Variants in NLRC4 observed in about 807,000 individuals in gnomAD.
NLRC4 encodes NLR family CARD domain-containing protein 4.
In NLRC4, 63 loss-of-function variants were observed where a neutral mutation model predicts 79.9. The observed-to-expected ratio is 0.79, with a 90% CI of 0.64 to 0.97. NLRC4 has a LOEUF of 0.97. Ranked by LOEUF, NLRC4 falls within the 50% of genes least tolerant of loss-of-function variation. NLRC4 has a pLI of 0.00. For synonymous variants in NLRC4, 461 were observed against 456.5 expected (o/e 1.01, Z -0.12); for missense variants, 1,074 against 1,215.2 (o/e 0.88, Z 1.73).
chr2:32,258,940 G>T (rs1294413762), intron 1 of NLRC4, among the ~76,000 whole-genome samples: 1 of 152,138 alleles, frequency 6.6e-6, no homozygotes, highest in Non-Finnish European at 1.5e-5. Context: ...ATTAAAGACA[G>T]CATGAGAGGG....
At position 32,238,197 on chromosome 2, in the gene NLRC4, G is replaced by A; in HGVS notation, c.2456C>T (p.Pro819Leu). 6.2e-7 allele frequency: 1 copy of A among 1,613,400 alleles called. No individual in the cohort carries two copies. The highest frequency in any genetic ancestry group is 8.5e-7 in the Non-Finnish European group (1 of 1,179,464). The change falls in exon 6 of 9, where the codon CCC becomes CTC. Residue 819 changes from proline (P) to leucine (L), a missense_variant. Physicochemically the swap from Pro to Leu is moderately conservative, Grantham distance 98. Transcript: ENST00000402280. ...DYIVKSLSSE[P>L]CDLEEIQLVS... ...TAATTGAATTTCTTCAAGGTCACAG[G>A]GTTCACTTGACAGAGACTTGACTAT...
intron 2 of NLRC4, among the ~76,000 whole-genome samples, chr2:32,253,018 A>G (rs1357025925): frequency 1.3e-5 from 2 of 149,642 alleles, no homozygotes; most frequent in African/African-American, 4.9e-5. Flanking sequence ...ACTCCGTCTA[A>G]AAAAAAAAAA....
chr2:32,234,031 G>A (rs186176868), intron 8 of NLRC4, among the ~76,000 whole-genome samples: 1 of 152,290 alleles, frequency 6.6e-6, no homozygotes, highest in Admixed American at 6.5e-5. Flanking sequence ...TGGATGTTGT[G>A]ATAGTGGCAC....
At chr2:32,235,761 T>C (rs1462013204) in intron 7 of NLRC4, among the ~76,000 whole-genome samples, 193 bp from the exon 8 acceptor site, 1 of 152,164 alleles carries the variant, frequency 6.6e-6, no homozygotes, top group Non-Finnish European at 1.5e-5. Flanking sequence ...CAGAAGAATA[T>C]AATGAAACTA....
chr2:32,247,780 CTTCCT>C (rs1468077005), intron 4 of NLRC4, among the ~76,000 whole-genome samples: 1 of 152,088 alleles, frequency 6.6e-6, no homozygotes, highest in African/African-American at 2.4e-5. Context: ...GCCCTTCTAC[CTTCCT>C]TTCAAGTCCT....
At chr2:32,261,848 T>G (rs1265340) in intron 1 of NLRC4, among the ~76,000 whole-genome samples, 1 of 151,344 alleles carries the variant, frequency 6.6e-6, no homozygotes, top group African/African-American at 2.4e-5. Flanking sequence ...TTTGGGAGGC[T>G]GAGGCAGGTG....
rs1573460670 is a variant in NLRC4, at chr2:32,224,495, G to C, written c.3053C>G (p.Ala1018Gly). The C allele has an allele frequency of 6.2e-7, 1 of 1,605,100 alleles. No individual in the cohort carries two copies. Among genetic ancestry groups the C allele is most frequent in the Non-Finnish European group, 8.5e-7 (1 of 1,175,930 alleles). ...TATTTAAGCAGTTACTAGTTTAAAA[G>C]CACCTGTAATAACACTGAGATCATC... The part of the protein sequence containing the change: ...DDDDLSVITG[A>G]FKLVTA The change falls in exon 9 of 9, where the codon GCT becomes GGT. Residue 1018 changes from alanine (A) to glycine (G), a missense_variant. By Grantham distance (60) the Ala-to-Gly change is moderately conservative (BLOSUM62 0). Transcript: ENST00000402280.
rs1386496419 is a variant in NLRC4, at chr2:32,250,290, T to C, written c.1574A>G (p.Lys525Arg). 5.6e-6 allele frequency: 9 copies of C among 1,614,096 alleles called. No individual in the cohort carries two copies. Among genetic ancestry groups the C allele is most frequent in the Non-Finnish European group, 7.6e-6 (9 of 1,180,042 alleles). The change falls in exon 4 of 9, where the codon AAG becomes AGG. Residue 525 changes from lysine to arginine, a missense_variant. Transcript: ENST00000402280. This position sits in a 1 kb window ranked among gnomAD's most constrained non-coding sequence, Gnocchi z 4.9. ...HGCLLGLSIAKRPLWRQESLQ... is the reference protein window; with the variant it reads ...HGCLLGLSIARRPLWRQESLQ... ...AGATTCCTGTCTCCAGAGAGGCCTC[T>C]TGGCGATGGAAAGTCCGAGAAGGCA...
chr2:32,241,577 A>G (rs1033102957), intron 4 of NLRC4, among the ~76,000 whole-genome samples: 1 of 151,844 alleles, frequency 6.6e-6, no homozygotes, highest in Non-Finnish European at 1.5e-5. Context: ...ACGGGGTTTC[A>G]CCATGTTAGC....
chr2:32,256,724 AT>A lies in NLRC4; in HGVS notation c.1+50del, dbSNP rs11295492. 0.57 allele frequency: 441,120 copies of A among 777,266 alleles called. 127,417 individuals carry two copies. The highest frequency in any genetic ancestry group is 0.6 in the Non-Finnish European group (247,728 of 416,292). The allele number at this position is 777,266 out of a possible 1,614,324, so 48.1% of individuals were successfully genotyped here. ...TGATTTTCCATTTAAAATCACCAGT[AT>A]TTGGTAGCAGACTGTATAACCAGGC... On this transcript the variant is annotated intron_variant, in intron 2 of 8. Transcript: ENST00000402280.
chr2:32,225,920 AG>A (rs1686380877), intron 8 of NLRC4, among the ~76,000 whole-genome samples: 1 of 152,194 alleles, frequency 6.6e-6, no homozygotes, highest in Non-Finnish European at 1.5e-5. Context: ...GTGTAATATT[AG>A]ATAATGTTCC....
chr2:32,265,160 A>G (rs1212809818), upstream of NLRC4, among the ~76,000 whole-genome samples: 3 of 151,366 alleles, frequency 2.0e-5, no homozygotes, highest in African/African-American at 7.3e-5. Flanking sequence ...AACATCCAAC[A>G]TATATTTTTT....
At chr2:32,225,914 A>G (rs1358973174) in intron 8 of NLRC4, among the ~76,000 whole-genome samples, 2 of 152,178 alleles carry the variant, frequency 1.3e-5, no homozygotes, top group African/African-American at 2.4e-5. Context: ...GGAGATGTGT[A>G]ATATTAGATA....
At chr2:32,227,220 C>T (rs1396385474) in intron 8 of NLRC4, among the ~76,000 whole-genome samples, 1 of 151,538 alleles carries the variant, frequency 6.6e-6, no homozygotes, top group African/African-American at 2.4e-5. Context: ...CAGAGGAAAA[C>T]CACCCCACCT....
chr2:32,233,995 A>G (rs140186357), intron 8 of NLRC4, among the ~76,000 whole-genome samples: 75 of 152,282 alleles, frequency 4.9e-4, no homozygotes, highest in African/African-American at 1.7e-3. Context: ...GTGTGTATAT[A>G]TGGGAAGATG....
At chr2:32,263,102 G>A (rs1253363442) in intron 1 of NLRC4, among the ~76,000 whole-genome samples, 1 of 151,984 alleles carries the variant, frequency 6.6e-6, no homozygotes, top group Non-Finnish European at 1.5e-5. Context: ...AGTTTCTCTG[G>A]ACCCATATAA....
intron 4 of NLRC4, among the ~76,000 whole-genome samples, chr2:32,241,718 AC>A (rs1222831192): frequency 6.6e-6 from 1 of 152,100 alleles, no homozygotes; most frequent in Admixed American, 6.6e-5. Context: ...ATTAAACAAC[AC>A]ATTTTTAAAT....
chr2:32,238,258 T>C lies in NLRC4; in HGVS notation c.2395A>G (p.Thr799Ala), dbSNP rs756073844. 6.2e-7 allele frequency: 1 copy of C among 1,612,580 alleles called. No homozygotes were observed. Among genetic ancestry groups the C allele is most frequent in the South Asian group, 1.1e-5 (1 of 90,672 alleles). ...NLKKMCLFHL[T>A]HLSDIGEGMD... ...CCCTCTCCAATGTCAGACAAGTGGG[T>C]CAAATGAAATAAACACATCTTCTTC... Residue 799 changes from threonine (T) to alanine (A), a missense_variant, in exon 6 of 9, where the codon ACC (threonine) becomes GCC (alanine). Coordinates refer to ENST00000402280, the MANE Select transcript of NLRC4 (RefSeq NM_001199138.2).
chr2:32,227,805 T>C (rs150599968), intron 8 of NLRC4, among the ~76,000 whole-genome samples: 5 of 151,772 alleles, frequency 3.3e-5, no homozygotes, highest in East Asian at 1.9e-4. Context: ...GCAGTGCTTA[T>C]GTTATGAGGA....
Sources: allele counts gnomAD v4.1 joint callset (sites outside exome capture counted in the v4.1 genomes callset), GRCh38; gene constraint gnomAD v4.1.1; non-coding constraint Gnocchi (gnomAD v3.1); transcripts MANE v1.5; gene names NCBI Gene and HGNC (gene_info 2026-07-23, HGNC 2026-07-21).